The following TNS3 variants were observed in gnomAD, a reference collection of about 807,000 sequenced individuals.
TNS3 encodes tensin-3.
In TNS3, 45 loss-of-function variants were observed where a neutral mutation model predicts 140.9. The ratio of observed to expected loss-of-function variants is 0.32; its 90% confidence interval spans 0.25 to 0.41. The LOEUF (loss-of-function observed/expected upper bound fraction) is 0.41. Ranked by LOEUF, TNS3 falls within the 10% of genes least tolerant of loss-of-function variation. TNS3 has a pLI of 1.00. For missense variants in TNS3, 1,716 were observed against 1,906.7 expected, an observed-to-expected ratio of 0.90 and a Z score of 1.86; for synonymous variants, 815 against 788.4, an observed-to-expected ratio of 1.03 and a Z score of -0.56.
intron 20 of TNS3, among the ~76,000 whole-genome samples, chr7:47,336,349 A>C: frequency 6.6e-6 from 1 of 152,174 alleles, no homozygotes; most frequent in East Asian, 1.9e-4. Context: ...CAGCTGGCTC[A>C]CAAAATTCCT....
intron 2 of TNS3, among the ~76,000 whole-genome samples, chr7:47,525,927 C>T (rs1799174928): frequency 6.6e-6 from 1 of 152,232 alleles, no homozygotes; most frequent in Admixed American, 6.5e-5. Context: ...ATCTGGGGTC[C>T]TTCCCTGGCC....
rs1797815012 is a variant in TNS3 at position 47,491,561 on chromosome 7, G to A, written c.-114-10420C>T. 2.0e-5 allele frequency among the ~76,000 whole-genome samples: 3 copies of A among 152,198 alleles called. No homozygotes were observed. In the South Asian group the frequency reaches 6.2e-4, roughly 32 times the overall value. On this transcript the variant is annotated intron_variant, in intron 3 of 30. Coordinates refer to ENST00000311160, the MANE Select transcript of TNS3 (RefSeq NM_022748.12). ...AAAGGGGACCCCACGGCCTTTCAAA[G>A]ACAGCAGCATAGTTACCGAAGGCCA...
intron 1 of TNS3, among the ~76,000 whole-genome samples, chr7:47,555,324 C>A (rs1173256952): frequency 6.6e-6 from 1 of 151,622 alleles, no homozygotes; most frequent in Non-Finnish European, 1.5e-5. Context: ...TCGCTTCAAC[C>A]CAGGAGGCGG....
intron 17 of TNS3, 140 bp from the exon 18 acceptor site, chr7:47,346,496 G>T (rs1310082051): frequency 3.8e-6 from 4 of 1,053,114 alleles, no homozygotes; most frequent in Non-Finnish European, 5.4e-6. Flanking sequence ...AGATGCTGTG[G>T]TTGCTGAAGG....
chr7:47,564,635 C>CAAAA (rs749603752), intron 1 of TNS3, among the ~76,000 whole-genome samples: 1,179 of 30,076 alleles, frequency 0.039, 83 homozygotes, highest in Admixed American at 0.054. Flanking sequence ...GACTCCGTCT[C>CAAAA]AAAAAAAAAA....
chr7:47,423,398 G>C (rs920626436), intron 10 of TNS3, among the ~76,000 whole-genome samples: 3 of 152,208 alleles, frequency 2.0e-5, no homozygotes, highest in African/African-American at 4.8e-5. Context: ...CCCTGCTCAG[G>C]TTCTTGACCT....
intron 17 of TNS3, among the ~76,000 whole-genome samples, chr7:47,358,768 CTG>C: frequency 6.6e-6 from 1 of 152,316 alleles, no homozygotes; most frequent in East Asian, 1.9e-4. Context: ...GTCCCTGAGA[CTG>C]TGGATTTGTC....
rs1205640466 is a variant in TNS3 at position 47,389,046 on chromosome 7, A to T, written c.1024+7754T>A. On this transcript the variant is annotated intron_variant, in intron 16 of 30. Transcript: ENST00000311160. The stretch of plus-strand genomic sequence containing the variant: ...GAAGAAGAAGAAGAAGAAGAAGAAG[A>T]AGAAGAAGAAGAAGAAGAAGAAGAA... Among the ~76,000 whole-genome samples, 22 of 49,948 alleles carry T rather than the reference A, an allele frequency of 4.4e-4. 3 individuals carry two copies. The highest frequency in any genetic ancestry group is 1.8e-3 in the African/African-American group (18 of 10,014). 32.8% of individuals were successfully genotyped at this position (49,948 alleles called of 152,430 possible).
chr7:47,381,272 GTC>G (rs796096335), intron 16 of TNS3, among the ~76,000 whole-genome samples: 2 of 152,234 alleles, frequency 1.3e-5, no homozygotes, highest in Non-Finnish European at 2.9e-5. Context: ...CCTGGGAGCT[GTC>G]TCTCTGTCTT....
At chr7:47,464,621 T>A (rs560416586) in intron 4 of TNS3, among the ~76,000 whole-genome samples, 3 of 152,304 alleles carry the variant, frequency 2.0e-5, no homozygotes, top group African/African-American at 7.2e-5. Flanking sequence ...ATTCAACAGG[T>A]CTGAGTGGGC....
intron 3 of TNS3, among the ~76,000 whole-genome samples, chr7:47,504,926 A>G (rs2151875166): frequency 6.6e-6 from 1 of 152,312 alleles, no homozygotes; most frequent in African/African-American, 2.4e-5. Flanking sequence ...CAAACTGCCA[A>G]TTGCTGCCGT....
chr7:47,391,404 G>A (rs181581855), intron 16 of TNS3, among the ~76,000 whole-genome samples: 10 of 152,270 alleles, frequency 6.6e-5, no homozygotes, highest in South Asian at 4.1e-4. Context: ...TATGAGATGC[G>A]TGAATATGAC....
chr7:47,341,081 C>G (rs1788984157), intron 20 of TNS3, among the ~76,000 whole-genome samples: 2 of 152,212 alleles, frequency 1.3e-5, no homozygotes, highest in Non-Finnish European at 2.9e-5. Flanking sequence ...CCTTGCATCT[C>G]AGAATATGTC....
chr7:47,474,536 C>A, intron 4 of TNS3, among the ~76,000 whole-genome samples: 1 of 148,310 alleles, frequency 6.7e-6, no homozygotes. Flanking sequence ...ACACACACAA[C>A]ACACTTCAGC....
intron 8 of TNS3, among the ~76,000 whole-genome samples, chr7:47,429,651 A>T (rs1794832956): frequency 6.6e-6 from 1 of 152,230 alleles, no homozygotes; most frequent in Non-Finnish European, 1.5e-5. Context: ...ATGGGACTAC[A>T]GGCGTGAGCC....
intron 20 of TNS3, among the ~76,000 whole-genome samples, chr7:47,305,404 T>C (rs6959554): frequency 0.3 from 45,025 of 152,218 alleles, 6,988 homozygotes; most frequent in South Asian, 0.34. Context: ...ACTTTAGAAT[T>C]GGCATGGCCT....
rs1389545010 is a variant in TNS3 at position 47,396,906 on chromosome 7, TGC to T, written c.920-4_920-3del. The T allele has an allele frequency of 2.5e-6, 4 of 1,611,016 alleles. No homozygotes were observed. The highest frequency in any genetic ancestry group is 1.7e-5 in the Admixed American group (1 of 60,006). ...GGTCGTTGTACAAGTGTTCGGACCC[TGC>T]ACAGAGCACAGGCAGCAACATTAGT... On this transcript the variant is annotated splice_region_variant and splice_polypyrimidine_tract_variant and intron_variant, in intron 15 of 30. Coordinates refer to ENST00000311160, the MANE Select transcript of TNS3 (RefSeq NM_022748.12).
At chr7:47,389,078 GAA>G (rs1562675236) in intron 16 of TNS3, among the ~76,000 whole-genome samples, 64 of 68,094 alleles carry the variant, frequency 9.4e-4, no homozygotes, top group African/African-American at 3.9e-3. Flanking sequence ...AGAAGAAGAA[GAA>G]GAAGAGGAAG....
chr7:47,419,481 CTG>C (rs1562716700), intron 10 of TNS3, among the ~76,000 whole-genome samples: 1 of 152,232 alleles, frequency 6.6e-6, no homozygotes, highest in Non-Finnish European at 1.5e-5. Flanking sequence ...TTGGCTATTC[CTG>C]GGCTTGGACC....
Sources: allele counts gnomAD v4.1 joint callset (sites outside exome capture counted in the v4.1 genomes callset), GRCh38; gene constraint gnomAD v4.1.1; transcripts MANE v1.5; gene names NCBI Gene and HGNC (gene_info 2026-07-23, HGNC 2026-07-21).